JAZF1: variants seen among roughly 807,000 people sequenced by gnomAD.
JAZF1 encodes JAZF zinc finger 1.
Under a neutral mutation model 26.4 loss-of-function variants are expected in JAZF1, and 8 were observed. The ratio of observed to expected loss-of-function variants is 0.30; its 90% confidence interval spans 0.18 to 0.55. The LOEUF is 0.55. Among genes scored for constraint, JAZF1 ranks in the 20% least tolerant of loss-of-function variants. The pLI is 0.94. For missense variants in JAZF1, 199 were observed against 322.0 expected (o/e 0.62, Z 2.92); for synonymous variants, 126 against 122.3 (o/e 1.03, Z -0.20).
Position 27,831,023 on chromosome 7 carries a change from A to AGAT in JAZF1, c.*1774_*1776dup, listed in dbSNP as rs1782681113. On this transcript the variant is annotated 3_prime_UTR_variant, in exon 5 of 5. Coordinates refer to ENST00000283928, the MANE Select transcript of JAZF1 (RefSeq NM_175061.4). ...AAATTTTTTTTGGTCAATTGTAGGT[A>AGAT]GATATGAAATAGCCAAGTGGGGCCT... is the stretch of plus-strand genomic sequence containing the variant. 4.5e-6 allele frequency: 1 copy of AGAT among 220,452 alleles called. No individual in the cohort carries two copies. Among genetic ancestry groups the AGAT allele is most frequent in the Non-Finnish European group, 9.1e-6 (1 of 109,706 alleles). The allele number at this position is 220,452 out of a possible 1,614,324, so 13.7% of individuals were successfully genotyped here. A position where few individuals can be genotyped will look rare whatever the true frequency, so the allele number is the denominator to read the frequency against.
At chr7:28,119,759 C>G (rs1394282562) in intron 1 of JAZF1, among the ~76,000 whole-genome samples, 2 of 152,160 alleles carry the variant, frequency 1.3e-5, no homozygotes, top group Non-Finnish European at 2.9e-5. Context: ...TTACTGAATA[C>G]CCACTACGTG....
At chr7:28,137,974 C>G (rs145707554) in intron 1 of JAZF1, among the ~76,000 whole-genome samples, 38 of 152,292 alleles carry the variant, frequency 2.5e-4, no homozygotes, top group African/African-American at 9.1e-4. Context: ...CCAAGTCACA[C>G]AGTAGGTAAG....
chr7:27,847,151 CTTTTTTT>C (rs80005826), intron 3 of JAZF1, among the ~76,000 whole-genome samples: 5 of 136,372 alleles, frequency 3.7e-5, no homozygotes, highest in Admixed American at 7.5e-5. Context: ...GGCTTTTTTT[CTTTTTTT>C]TTTTTTTTTT....
chr7:28,143,329 G>T (rs1388702919), intron 1 of JAZF1, among the ~76,000 whole-genome samples: 5 of 152,094 alleles, frequency 3.3e-5, no homozygotes, highest in African/African-American at 1.2e-4. Flanking sequence ...ATTTTAAAAG[G>T]CTGGAATAGA....
At chr7:27,987,369 C>T (rs1419477534) in intron 2 of JAZF1, among the ~76,000 whole-genome samples, 16 of 150,598 alleles carry the variant, frequency 1.1e-4, no homozygotes, top group Non-Finnish European at 1.9e-4. Context: ...AGGTGAGGAG[C>T]GTCTCTGCCC....
Position 28,158,476 on chromosome 7 carries a change from G to A in JAZF1, c.115+21987C>T, listed in dbSNP as rs117320746. ...TCCTGGACCACTGAAGACAGCAACA[G>A]GTGAATTCCAGAATTCTTGACTTAA... On this transcript the variant is annotated intron_variant, in intron 1 of 4. Coordinates refer to ENST00000283928, the MANE Select transcript of JAZF1 (RefSeq NM_175061.4). 7.9e-5 allele frequency among the ~76,000 whole-genome samples: 12 copies of A among 152,266 alleles called. No homozygotes were observed. In the East Asian group the frequency reaches 2.3e-3, roughly 29 times the overall value.
intron 1 of JAZF1, among the ~76,000 whole-genome samples, chr7:27,992,493 T>C (rs1227300738): frequency 6.6e-6 from 1 of 152,206 alleles, no homozygotes; most frequent in Non-Finnish European, 1.5e-5. Context: ...GAGTTTATTA[T>C]AACTTTTCTA....
At chr7:27,861,017 G>A (rs867451799) in intron 3 of JAZF1, among the ~76,000 whole-genome samples, 2 of 152,176 alleles carry the variant, frequency 1.3e-5, no homozygotes, top group Non-Finnish European at 2.9e-5. Flanking sequence ...ACATGGGGCC[G>A]ATGCCTGTTC....
At chr7:27,977,723 A>G (rs1387835495) in intron 2 of JAZF1, among the ~76,000 whole-genome samples, 1 of 152,080 alleles carries the variant, frequency 6.6e-6, no homozygotes, top group South Asian at 2.1e-4. Context: ...TTCTCTCCAC[A>G]CACATACACA....
chr7:28,091,467 A>C (rs535460876), intron 1 of JAZF1, among the ~76,000 whole-genome samples: 1 of 151,766 alleles, frequency 6.6e-6, no homozygotes, highest in Non-Finnish European at 1.5e-5. Flanking sequence ...TTTTTTATTT[A>C]GGTATTTCCC....
chr7:27,996,118 G>A (rs185222140), intron 1 of JAZF1, among the ~76,000 whole-genome samples: 65 of 152,290 alleles, frequency 4.3e-4, no homozygotes, highest in African/African-American at 1.4e-3. Context: ...AAGTCTAAAC[G>A]AAAACTCTAT....
intron 1 of JAZF1, among the ~76,000 whole-genome samples, chr7:28,033,917 T>C (rs1783236353): frequency 6.6e-6 from 1 of 151,854 alleles, no homozygotes; most frequent in Non-Finnish European, 1.5e-5. Flanking sequence ...AATTTTTGTG[T>C]TTTTTTGTAG....
At chr7:27,920,377 A>G (rs1350657665) in intron 2 of JAZF1, among the ~76,000 whole-genome samples, 5 of 152,232 alleles carry the variant, frequency 3.3e-5, no homozygotes, top group Admixed American at 2.6e-4. Context: ...TACAAACTGC[A>G]TATCAACTAT....
chr7:27,843,546 G>A (rs1312945927), intron 3 of JAZF1: 1 of 152,232 alleles, frequency 6.6e-6, no homozygotes, highest in Admixed American at 6.5e-5. Context: ...AGAAAGGCCT[G>A]TTGTGAAACC....
At chr7:28,150,096 G>A (rs141589980) in intron 1 of JAZF1, among the ~76,000 whole-genome samples, 7 of 152,340 alleles carry the variant, frequency 4.6e-5, no homozygotes, top group South Asian at 2.1e-4. Context: ...GGCAGTCAGA[G>A]GACTGAGTAA....
chr7:27,972,808 C>T (rs1183787306), intron 2 of JAZF1, among the ~76,000 whole-genome samples: 3 of 150,884 alleles, frequency 2.0e-5, no homozygotes, highest in Non-Finnish European at 4.4e-5. Flanking sequence ...GGATGTTACA[C>T]GAAAAACAAA....
At chr7:28,166,127 T>C (rs919978901) in intron 1 of JAZF1, among the ~76,000 whole-genome samples, 2 of 149,338 alleles carry the variant, frequency 1.3e-5, no homozygotes, top group East Asian at 3.8e-4. Context: ...TATATATATA[T>C]AAAAAAAGTT....
chr7:28,146,283 T>C (rs962181100), intron 1 of JAZF1, among the ~76,000 whole-genome samples: 1 of 152,198 alleles, frequency 6.6e-6, no homozygotes, highest in Non-Finnish European at 1.5e-5. Context: ...AGAACAACAT[T>C]AAATTAAGGA....
intron 1 of JAZF1, among the ~76,000 whole-genome samples, chr7:28,008,231 A>T (rs113772983): frequency 0.036 from 5,463 of 151,136 alleles, 135 homozygotes; most frequent in Non-Finnish European, 0.052. Flanking sequence ...AATTATTATT[A>T]TTTTTTTTAG....
Sources: gnomAD v4.1 joint callset for allele counts (sites outside exome capture counted in the v4.1 genomes callset) on GRCh38, gnomAD v4.1.1 for gene constraint, MANE v1.5 for transcripts, NCBI Gene and HGNC (gene_info 2026-07-23, HGNC 2026-07-21) for gene names.